Variants in LRRC4C observed in about 807,000 individuals in gnomAD.
LRRC4C encodes leucine rich repeat containing 4C.
Under a neutral mutation model 33.6 loss-of-function variants are expected in LRRC4C, and 5 were observed. The observed-to-expected ratio is 0.15, with a 90% CI of 0.08 to 0.31. LRRC4C has a LOEUF of 0.31. Among genes scored for constraint, LRRC4C ranks in the 10% least tolerant of loss-of-function variants. The pLI, the probability that LRRC4C is intolerant of heterozygous loss-of-function variation, is 1.00. For synonymous variants in LRRC4C, 329 were observed against 302.0 expected, an observed-to-expected ratio of 1.09 and a Z score of -0.93; for missense variants, 560 against 796.7, an observed-to-expected ratio of 0.70 and a Z score of 3.58.
intron 3 of LRRC4C, among the ~76,000 whole-genome samples, chr11:40,357,771 C>T (rs1025510250): frequency 7.9e-5 from 12 of 152,232 alleles, no homozygotes; most frequent in Admixed American, 2.6e-4. Context: ...AAGCCTACAA[C>T]GTATCCCTTT....
intron 1 of LRRC4C, among the ~76,000 whole-genome samples, chr11:41,140,716 C>T (rs1943467147): frequency 6.6e-6 from 1 of 152,250 alleles, no homozygotes; most frequent in South Asian, 2.1e-4. Flanking sequence ...TTCTGCATAA[C>T]AGATAGTTGC....
rs1282538390 is a variant in LRRC4C at position 41,107,948 on chromosome 11, AAGAGAAGAGAAGGGAGAGGGGAGAGGGG to A, written c.-495-174253_-495-174226del. ...CGAGAGTCCATCTCAAAGAAAAGAAAAGAGAAGAGAAGGGAGAGGGGAGAGGGGAGAGGGGAGAGGGGAGAGGGGAGAG... is the reference window on the plus strand; with the variant it reads ...CGAGAGTCCATCTCAAAGAAAAGAAAAGAGGGGAGAGGGGAGAGGGGAGAG... On this transcript the variant is annotated intron_variant, in intron 1 of 6. Transcript: ENST00000528697. Among the ~76,000 whole-genome samples the A allele has an allele frequency of 1.1e-4, 17 of 147,894 alleles. No homozygotes were observed. In the East Asian group the frequency reaches 2.7e-3, roughly 23 times the overall value.
chr11:40,729,750 C>G (rs76781593), intron 2 of LRRC4C, among the ~76,000 whole-genome samples: 1 of 152,180 alleles, frequency 6.6e-6, no homozygotes, highest in Non-Finnish European at 1.5e-5. Context: ...TAAAATTACA[C>G]CTTCACACAC....
At chr11:40,854,026 T>C (rs1953645225) in intron 2 of LRRC4C, among the ~76,000 whole-genome samples, 1 of 140,728 alleles carries the variant, frequency 7.1e-6, no homozygotes, top group African/African-American at 3.0e-5. Flanking sequence ...TACTCTCTTC[T>C]CAAACGATGC....
rs188203814 is a variant in LRRC4C, at chr11:40,533,592, A to G, written c.-270+114550T>C. Among the ~76,000 whole-genome samples the G allele has an allele frequency of 2.6e-3, 390 of 152,212 alleles. 2 individuals are homozygous for G. The highest frequency in any genetic ancestry group is 9.1e-3 in the African/African-American group (378 of 41,534). ...CCCTCCAGCCTTTGCTTCAGGAGGC[A>G]GATTTATTCAGGTTTTATAGCTGTT... is the stretch of plus-strand genomic sequence containing the variant. On this transcript the variant is annotated intron_variant, in intron 3 of 6. Coordinates refer to ENST00000528697, the MANE Select transcript of LRRC4C (RefSeq NM_001258419.2).
intron 2 of LRRC4C, among the ~76,000 whole-genome samples, chr11:40,670,388 T>C (rs1327846558): frequency 6.6e-6 from 1 of 152,310 alleles, no homozygotes; most frequent in East Asian, 1.9e-4. Context: ...AAAATGTCCT[T>C]ATGTAAATGT....
At chr11:41,447,566 C>T (rs1200908793) in intron 1 of LRRC4C, among the ~76,000 whole-genome samples, 1 of 152,174 alleles carries the variant, frequency 6.6e-6, no homozygotes, top group African/African-American at 2.4e-5. Context: ...AGCAAGTGTC[C>T]TACCTTCTGA....
intron 2 of LRRC4C, among the ~76,000 whole-genome samples, chr11:40,752,298 G>A (rs997076354): frequency 1.3e-5 from 2 of 152,010 alleles, no homozygotes; most frequent in Non-Finnish European, 2.9e-5. Flanking sequence ...ACAATCAACA[G>A]AGTAAAGAGA....
At chr11:40,913,015 C>T (rs1592073193) in intron 2 of LRRC4C, among the ~76,000 whole-genome samples, 1 of 152,184 alleles carries the variant, frequency 6.6e-6, no homozygotes, top group Admixed American at 6.6e-5. Flanking sequence ...AATATATATG[C>T]ACCCAATACA....
intron 5 of LRRC4C, among the ~76,000 whole-genome samples, chr11:40,149,791 T>A (rs1248906938): frequency 6.6e-6 from 1 of 152,190 alleles, no homozygotes; most frequent in Admixed American, 6.5e-5. Context: ...AAGTCTTCAA[T>A]TTTTAAGGAG....
intron 1 of LRRC4C, among the ~76,000 whole-genome samples, chr11:41,013,495 T>C (rs1381363993): frequency 6.6e-6 from 1 of 152,248 alleles, no homozygotes; most frequent in Non-Finnish European, 1.5e-5. Flanking sequence ...CGCTGACGTA[T>C]GTTCCTTATA....
At chr11:40,290,533 T>C (rs1410839498) in intron 4 of LRRC4C, among the ~76,000 whole-genome samples, 1 of 152,154 alleles carries the variant, frequency 6.6e-6, no homozygotes, top group East Asian at 1.9e-4. Flanking sequence ...AAGAACAGGC[T>C]CAGATGCTTT....
At chr11:40,786,299 G>A (rs931413468) in intron 2 of LRRC4C, among the ~76,000 whole-genome samples, 1 of 152,186 alleles carries the variant, frequency 6.6e-6, no homozygotes, top group Non-Finnish European at 1.5e-5. Flanking sequence ...TTTGGCCAAT[G>A]GGATGTTAGT....
intron 1 of LRRC4C, among the ~76,000 whole-genome samples, chr11:41,229,693 C>G (rs1947696713): frequency 6.6e-6 from 1 of 152,056 alleles, no homozygotes; most frequent in Non-Finnish European, 1.5e-5. Context: ...AAAGCCATAG[C>G]AGAATGATCT....
chr11:41,155,687 T>C (rs1006781152), intron 1 of LRRC4C, among the ~76,000 whole-genome samples: 5 of 152,078 alleles, frequency 3.3e-5, no homozygotes, highest in Non-Finnish European at 5.9e-5. Flanking sequence ...TTAAGTTAGG[T>C]TGTGCGTATA....
At chr11:40,903,027 G>C (rs1322564634) in intron 2 of LRRC4C, among the ~76,000 whole-genome samples, 1 of 152,272 alleles carries the variant, frequency 6.6e-6, no homozygotes, top group East Asian at 1.9e-4. Context: ...CTTTATGTTG[G>C]AAGAAGATGC....
At position 41,368,642 on chromosome 11, in the gene LRRC4C, C is replaced by G. The variant is rs535969320; in HGVS notation, c.-496+90789G>C. 3.3e-5 allele frequency among the ~76,000 whole-genome samples: 5 copies of G among 152,250 alleles called. No homozygotes were observed. In the South Asian group the frequency reaches 1.0e-3, roughly 32 times the overall value. On this transcript the variant is annotated intron_variant, in intron 1 of 6. Coordinates refer to ENST00000528697, the MANE Select transcript of LRRC4C (RefSeq NM_001258419.2). ...CTACCAACCATCACACATGGCTCTG[C>G]CAGTAAAACATACGGAAAAATCCTC... is the stretch of plus-strand genomic sequence containing the variant.
chr11:40,425,976 G>A (rs1950697010), intron 3 of LRRC4C, among the ~76,000 whole-genome samples: 1 of 149,438 alleles, frequency 6.7e-6, no homozygotes, highest in South Asian at 2.1e-4. Flanking sequence ...TGTATACTGT[G>A]TTTAATGCTG....
intron 4 of LRRC4C, among the ~76,000 whole-genome samples, chr11:40,290,057 TA>T (rs958278977): frequency 9.2e-5 from 14 of 152,192 alleles, no homozygotes; most frequent in African/African-American, 3.4e-4. Context: ...TATATATATG[TA>T]GAAAATAAAA....
Sources: allele counts gnomAD v4.1 joint callset (sites outside exome capture counted in the v4.1 genomes callset), GRCh38; gene constraint gnomAD v4.1.1; transcripts MANE v1.5; gene names NCBI Gene and HGNC (gene_info 2026-07-23, HGNC 2026-07-21).